Variants in MIA2 observed in about 807,000 individuals in gnomAD.
MIA2 encodes MIA SH3 domain ER export factor 2.
In MIA2, 127 loss-of-function variants were observed where a neutral mutation model predicts 167.8. The ratio of observed to expected loss-of-function variants is 0.76; its 90% CI spans 0.66 to 0.88. The LOEUF (loss-of-function observed/expected upper bound fraction) is 0.88. Ranked by LOEUF, MIA2 falls within the 40% of genes least tolerant of loss-of-function variation. MIA2 has a pLI of 0.00. For missense variants in MIA2, 1,690 were observed against 1,624.7 expected (o/e 1.04, Z -0.69); for synonymous variants, 552 against 541.9 (o/e 1.02, Z -0.26).
intron 3 of MIA2, among the ~76,000 whole-genome samples, chr14:39,246,020 C>A (rs1474095910): frequency 6.6e-6 from 1 of 152,054 alleles, no homozygotes; most frequent in Non-Finnish European, 1.5e-5. Context: ...ATTTTGTTTG[C>A]AGAATACACT....
At position 39,301,861 on chromosome 14, in the gene MIA2, T is replaced by C. The variant is rs550476847; in HGVS notation, c.2620-268T>C. ...TGTGAGAAATGTCATATAAAAAATATTTTACTACTTTTTAGTTGCATAATA... is the reference window on the plus strand; with the variant it reads ...TGTGAGAAATGTCATATAAAAAATACTTTACTACTTTTTAGTTGCATAATA... On this transcript the variant is annotated intron_variant, in intron 14 of 28. Transcript: ENST00000640607. Among the ~76,000 whole-genome samples, 13 of 152,346 alleles carry C rather than the reference T, an allele frequency of 8.5e-5. No individual in the cohort carries two copies. The South Asian group carries it at 2.3e-3, about 27-fold the overall frequency.
rs1309426220 is a variant in MIA2 at position 39,304,381 on chromosome 14, G to A, written c.2878G>A (p.Glu960Lys). ...EVDKTKEELT[E>K]HIKNLQTEQA... is the part of the protein sequence containing the mutation. The stretch of plus-strand genomic sequence containing the variant: ...TGATAAAACAAAGGAAGAGCTTACA[G>A]GTAGGTCATTGACATACATACTTTT... Residue 960 changes from glutamate to lysine, a missense_variant and splice_region_variant, in exon 17 of 29, where the codon GAG becomes AAG. By Grantham distance (56) the Glu-to-Lys change is moderately conservative (BLOSUM62 1). Coordinates refer to ENST00000640607, the MANE Select transcript of MIA2 (RefSeq NM_001329214.4). 7 of 1,539,030 alleles carry A rather than the reference G, an allele frequency of 4.5e-6. No individual in the cohort carries two copies. Among genetic ancestry groups the A allele is most frequent in the Non-Finnish European group, 5.3e-6 (6 of 1,135,122 alleles).
intron 23 of MIA2, among the ~76,000 whole-genome samples, chr14:39,380,924 A>ATT (rs2075145934): frequency 6.6e-6 from 1 of 151,484 alleles, no homozygotes; most frequent in Non-Finnish European, 1.5e-5. Flanking sequence ...TTTACAGTGC[A>ATT]TTTTGTTACA....
intron 17 of MIA2, among the ~76,000 whole-genome samples, chr14:39,307,661 A>G (rs1318929295): frequency 3.3e-5 from 5 of 152,074 alleles, no homozygotes; most frequent in Non-Finnish European, 7.4e-5. Flanking sequence ...CGGCCTTCCA[A>G]AGTGCTGAGA....
At chr14:39,354,046 G>A (rs1002463312), downstream of MIA2, among the ~76,000 whole-genome samples, 4 of 152,206 alleles carry the variant, frequency 2.6e-5, no homozygotes, top group South Asian at 4.1e-4. Context: ...TGCCTTTATA[G>A]CAGCATGATT....
intron 25 of MIA2, among the ~76,000 whole-genome samples, chr14:39,333,652 G>A (rs1044674656): frequency 1.3e-5 from 2 of 151,946 alleles, no homozygotes; most frequent in Non-Finnish European, 2.9e-5. Context: ...CCCCATACCC[G>A]GTTGTTACTC....
At chr14:39,369,947 G>A (rs1302988056) in intron 23 of MIA2, among the ~76,000 whole-genome samples, 3 of 152,172 alleles carry the variant, frequency 2.0e-5, no homozygotes, top group Non-Finnish European at 4.4e-5. Flanking sequence ...AATTGGGGGC[G>A]ATATATTGTC....
rs958673426 is a variant in MIA2, at chr14:39,327,117, C to G, written c.3655+95C>G. On this transcript the variant is annotated intron_variant, in intron 25 of 28. Coordinates refer to ENST00000640607, the MANE Select transcript of MIA2 (RefSeq NM_001329214.4). ...GAAGGGAGGAGTATATGTTTGTTCT[C>G]TCTTAAGAAAAATCATCGTACATTT... The G allele has an allele frequency of 7.3e-6, 7 of 957,272 alleles. No individual in the cohort carries two copies. The African/African-American group carries it at 1.0e-4, about 14-fold the overall frequency. 59.3% of individuals were successfully genotyped at this position (957,272 alleles called of 1,614,324 possible).
Position 39,238,811 on chromosome 14 carries a change from A to AAAAAAAAAAAGAAAAC in MIA2, c.250-1750_250-1749insAAAAAAAAAAGAAAAC. ...CCTGTCTCAAAAAAAAAAAAAAAAAACCCAAAAAACAAAAAAACCTAGCTG... is the reference window on the plus strand; with the variant it reads ...CCTGTCTCAAAAAAAAAAAAAAAAAAAAAAAAAAAAGAAAACCCCAAAAAACAAAAAAACCTAGCTG... On this transcript the variant is annotated intron_variant, in intron 2 of 28. Transcript: ENST00000640607. Among the ~76,000 whole-genome samples, 2 of 103,608 alleles carry AAAAAAAAAAAGAAAAC rather than the reference A, an allele frequency of 1.9e-5. 1 individual carries two copies. Among genetic ancestry groups the AAAAAAAAAAAGAAAAC allele is most frequent in the African/African-American group, 7.8e-5 (2 of 25,534 alleles). 68.0% of individuals were successfully genotyped at this position (103,608 alleles called of 152,430 possible).
At chr14:39,381,250 A>G (rs895920991) in intron 23 of MIA2, among the ~76,000 whole-genome samples, 4 of 152,190 alleles carry the variant, frequency 2.6e-5, no homozygotes, top group Non-Finnish European at 4.4e-5. Context: ...GCAGAAGTAA[A>G]TGGAGAAGAC....
chr14:39,345,075 C>CATTT (rs532621459), intron 25 of MIA2, among the ~76,000 whole-genome samples: 164 of 151,832 alleles, frequency 1.1e-3, no homozygotes, highest in African/African-American at 3.5e-3. Flanking sequence ...TATTTATTTT[C>CATTT]ATTTATTTAT....
chr14:39,281,672 A>C (rs1679817851), intron 9 of MIA2, among the ~76,000 whole-genome samples: 1 of 143,384 alleles, frequency 7.0e-6, no homozygotes, highest in Non-Finnish European at 1.5e-5. Flanking sequence ...GCTGGAGTGG[A>C]GTGCAGTAGC....
At chr14:39,282,646 T>A (rs545132483) in intron 9 of MIA2, among the ~76,000 whole-genome samples, 49 of 152,276 alleles carry the variant, frequency 3.2e-4, no homozygotes, top group African/African-American at 1.2e-3. Context: ...TGATCTTGGC[T>A]CATTGCAGCC....
rs977777413 is a variant in MIA2 at position 39,246,298 on chromosome 14, T to C, written c.337-613T>C. Among the ~76,000 whole-genome samples the C allele has an allele frequency of 5.3e-5, 8 of 152,022 alleles. No individual in the cohort carries two copies. In the South Asian group the frequency reaches 6.2e-4, roughly 12 times the overall value. The stretch of plus-strand genomic sequence containing the variant: ...TTTTTAGTAGAGATGGGTTTCGCCA[T>C]GTTGGCCAGGCTGGTCTCGAACTCC... On this transcript the variant is annotated intron_variant, in intron 3 of 28. Transcript: ENST00000640607.
In MIA2 at chr14:39,265,072, G is replaced by C. The variant is rs538428717; in HGVS notation, c.1888-11862G>C. Among the ~76,000 whole-genome samples, 8 of 152,130 alleles carry C rather than the reference G, an allele frequency of 5.3e-5. No homozygotes were observed. The East Asian group carries it at 1.5e-3, about 29-fold the overall frequency. On this transcript the variant is annotated intron_variant, in intron 6 of 28. Coordinates refer to ENST00000640607, the MANE Select transcript of MIA2 (RefSeq NM_001329214.4). ...TAGTTTTTATCAGTTATCAAATTCA[G>C]GATTTTTCTTTTCAATTATAGATTG...
chr14:39,256,632 A>C (rs1244005906), intron 6 of MIA2, among the ~76,000 whole-genome samples: 1 of 152,212 alleles, frequency 6.6e-6, no homozygotes, highest in Admixed American at 6.5e-5. Flanking sequence ...GGTTTTGGAA[A>C]AAAATGATTT....
intron 24 of MIA2, among the ~76,000 whole-genome samples, chr14:39,321,281 G>C (rs2066380884): frequency 6.6e-6 from 1 of 151,912 alleles, no homozygotes; most frequent in Non-Finnish European, 1.5e-5. Flanking sequence ...TCAAGGACTT[G>C]ATGTGTATCT....
chr14:39,308,643 T>A, intron 18 of MIA2, 56 bp downstream of exon 18: 1 of 1,299,816 alleles, frequency 7.7e-7, no homozygotes, highest in Non-Finnish European at 1.1e-6. Flanking sequence ...TTTAGAGATA[T>A]ATGTTACATA....
intron 6 of MIA2, among the ~76,000 whole-genome samples, chr14:39,254,292 G>A (rs2054717561): frequency 1.3e-5 from 2 of 152,214 alleles, no homozygotes; most frequent in Non-Finnish European, 2.9e-5. Flanking sequence ...ATAAGCAATT[G>A]AGTTTGATTG....
Sources: allele counts gnomAD v4.1 joint callset (sites outside exome capture counted in the v4.1 genomes callset), GRCh38; gene constraint gnomAD v4.1.1; transcripts MANE v1.5; gene names NCBI Gene and HGNC (gene_info 2026-07-23, HGNC 2026-07-21).